Variants in TBX2 observed in about 807,000 individuals in gnomAD.
The protein encoded by TBX2 is T-box transcription factor 2, also known as T-box transcription factor TBX2.
In TBX2, 19 loss-of-function variants were observed where a neutral mutation model predicts 48.4. That is an observed-to-expected ratio of 0.39 (90% CI 0.27 to 0.58). The LOEUF (loss-of-function observed/expected upper bound fraction) is 0.58, where lower values mean the gene tolerates loss of function less well. TBX2 is among the 20% of genes least tolerant of loss of function. The pLI, the probability that TBX2 is intolerant of heterozygous loss-of-function variation, is 0.54. For synonymous variants in TBX2, 522 were observed against 459.7 expected (o/e 1.14, Z -1.73); for missense variants, 994 against 1,006.5 (o/e 0.99, Z 0.17).
chr17:61,404,955 G>C, intron 5 of TBX2, 186 bp downstream of exon 5: 2 of 1,237,032 alleles, frequency 1.6e-6, no homozygotes, highest in South Asian at 1.3e-5. Flanking sequence ...CAGAAGATCC[G>C]GCCGGACTCC....
chr17:61,408,871 G>A lies in TBX2; in HGVS notation c.*365G>A. 1 of 206,140 alleles carries A rather than the reference G, an allele frequency of 4.9e-6. No individual in the cohort carries two copies. The highest frequency in any genetic ancestry group is 9.6e-6 in the Non-Finnish European group (1 of 104,210). 12.8% of individuals were successfully genotyped at this position (206,140 alleles called of 1,614,324 possible). On this transcript the variant is annotated 3_prime_UTR_variant, in exon 7 of 7. Coordinates refer to ENST00000240328, the MANE Select transcript of TBX2 (RefSeq NM_005994.4). ...AGGGGCCAGGGGTGGGAGCATCGGAGGGAGTCCCAGAGCCCTGGACCTTGG... is the reference window on the plus strand; with the variant it reads ...AGGGGCCAGGGGTGGGAGCATCGGAAGGAGTCCCAGAGCCCTGGACCTTGG...
At position 61,408,454 on chromosome 17, in the gene TBX2, G is replaced by T; in HGVS notation, c.2087G>T (p.Ser696Ile). ...CTGCAGAGCATCCAGAGACTGGTGAGTGGGCTGGAGAGCCAGCGAGCCCTC... is the reference window on the plus strand; with the variant it reads ...CTGCAGAGCATCCAGAGACTGGTGATTGGGCTGGAGAGCCAGCGAGCCCTC... ...NELQSIQRLV[S>I]GLESQRALSP... is the part of the protein sequence containing the mutation. Residue 696 changes from serine (S) to isoleucine (I), a missense_variant, in exon 7 of 7, where the codon AGT becomes ATT. Ser to Ile is a moderately radical substitution (Grantham distance 142). Transcript: ENST00000240328. The T allele has an allele frequency of 6.8e-7, 1 of 1,474,760 alleles. No individual in the cohort carries two copies. Among genetic ancestry groups the T allele is most frequent in the Non-Finnish European group, 9.0e-7 (1 of 1,109,992 alleles). The allele number at this position is 1,474,760 out of a possible 1,614,324, so 91.4% of individuals were successfully genotyped here.
chr17:61,404,180 G>A (rs538234010), intron 3 of TBX2, among the ~76,000 whole-genome samples: 1 of 152,172 alleles, frequency 6.6e-6, no homozygotes, highest in South Asian at 2.1e-4. Flanking sequence ...CCTGTGTGGG[G>A]CTGTCTAGGC....
Position 61,405,247 on chromosome 17 carries a change from G to T in TBX2, c.1097G>T (p.Arg366Leu). The change falls in exon 6 of 7, where the codon CGG becomes CTG. Residue 366 changes from arginine to leucine, a missense_variant. By Grantham distance (102) the Arg-to-Leu change is moderately radical. Coordinates refer to ENST00000240328, the MANE Select transcript of TBX2 (RefSeq NM_005994.4). ...GCGGACAGCGACCCGGAGCCTGAGC[G>T]GTTGAGCGAGGAGCGTGCGGGGGCG... ...CAADSDPEPERLSEERAGAPL... is the reference protein window; with the variant it reads ...CAADSDPEPELLSEERAGAPL... 1 of 1,571,310 alleles carries T rather than the reference G, an allele frequency of 6.4e-7. No homozygotes were observed. Among genetic ancestry groups the T allele is most frequent in the Non-Finnish European group, 8.6e-7 (1 of 1,166,882 alleles).
At position 61,406,848 on chromosome 17, in the gene TBX2, C is replaced by T. The variant is rs2060291151; in HGVS notation, c.1686+1012C>T. On this transcript the variant is annotated intron_variant, in intron 6 of 6. Transcript: ENST00000240328. This position sits in a 1 kb window ranked among gnomAD's most constrained non-coding sequence, Gnocchi z 5.7. The stretch of plus-strand genomic sequence containing the variant: ...GTATCACCATCACTCATCTGGGGCT[C>T]TGGGCTGGAAGGGAAGCCTCTGGAG... The T allele has an allele frequency of 1.3e-5, 2 of 152,088 alleles. No individual in the cohort carries two copies. The allele number at this position is 152,088 out of a possible 1,614,324, so 9.4% of individuals were successfully genotyped here. A position where few individuals can be genotyped will look rare whatever the true frequency, so the allele number is the denominator to read the frequency against.
rs1196484099 is a variant in TBX2, at chr17:61,408,254, C to T, written c.1887C>T (p.Thr629=). ...TCAGCCCCTATCAGATCCCGGTCAC[C>T]ATCCCGCCTAGCACTAGCCTCCTCA... is the stretch of plus-strand genomic sequence containing the variant. The part of the protein sequence containing the change: ...LRFSPYQIPV[T]IPPSTSLLTT... Residue 629 remains threonine (T), a synonymous_variant, in exon 7 of 7, where the codon ACC becomes ACT. Transcript: ENST00000240328. 1 of 1,612,870 alleles carries T rather than the reference C, an allele frequency of 6.2e-7. No homozygotes were observed. The highest frequency in any genetic ancestry group is 8.5e-7 in the Non-Finnish European group (1 of 1,179,922).
rs1254227680 is a variant in TBX2 at position 61,406,037 on chromosome 17, G to C, written c.1686+201G>C. 2.0e-6 allele frequency: 1 copy of C among 493,360 alleles called. No individual in the cohort carries two copies. The highest frequency in any genetic ancestry group is 3.2e-6 in the Non-Finnish European group (1 of 316,150). 30.6% of individuals were successfully genotyped at this position (493,360 alleles called of 1,614,324 possible). On this transcript the variant is annotated intron_variant, in intron 6 of 6. Coordinates refer to ENST00000240328, the MANE Select transcript of TBX2 (RefSeq NM_005994.4). The surrounding 1 kb of genome is among the most constrained non-coding windows in gnomAD (Gnocchi z 5.7). ...GGACTGTGTTGTAAGTCCAGGGGCT[G>C]GCCAGGGCGCCGCTTCTGACTCCCG... is the stretch of plus-strand genomic sequence containing the variant.
At chr17:61,402,083 T>G in intron 2 of TBX2, 132 bp downstream of exon 2, 4 of 1,340,744 alleles carry the variant, frequency 3.0e-6, no homozygotes, top group Non-Finnish European at 4.0e-6. Context: ...CCTGCCCGGG[T>G]CACTGCCCTG....
In TBX2 at chr17:61,401,687, G is replaced by T. The variant is rs1169991815; in HGVS notation, c.399G>T (p.Arg133=). The part of the protein sequence containing the change: ...TEMVITKSGR[R]MFPPFKVRVS... ...TCCTCCCTTCCCTCCCTCCCAGGCG[G>T]ATGTTCCCCCCCTTCAAGGTGCGAG... The change falls in exon 2 of 7, where the codon CGG becomes CGT. Residue 133 remains arginine, a synonymous_variant. Transcript: ENST00000240328. The T allele has an allele frequency of 1.2e-6, 2 of 1,611,364 alleles. No individual in the cohort carries two copies. Among genetic ancestry groups the T allele is most frequent in the Admixed American group, 1.7e-5 (1 of 59,974 alleles).
Position 61,403,037 on chromosome 17 carries a change from G to T in TBX2, c.664-24G>T, listed in dbSNP as rs775599798. On this transcript the variant is annotated intron_variant, in intron 2 of 6. Transcript: ENST00000240328. This position sits in a 1 kb window ranked among gnomAD's most constrained non-coding sequence, Gnocchi z 5.8. The stretch of plus-strand genomic sequence containing the variant: ...GCTCGGGCCGGGGCTGGTGGCTGCC[G>T]GCTGACCCCCACCCTCCCCGCAGAC... 1 of 1,592,958 alleles carries T rather than the reference G, an allele frequency of 6.3e-7. No homozygotes were observed. Among genetic ancestry groups the T allele is most frequent in the Admixed American group, 1.8e-5 (1 of 56,466 alleles).
Position 61,401,712 on chromosome 17 carries a change from G to A in TBX2, c.424G>A (p.Val142Ile), listed in dbSNP as rs139125476. ...GATGTTCCCCCCCTTCAAGGTGCGA[G>A]TCAGCGGCCTGGACAAGAAGGCCAA... ...RRMFPPFKVR[V>I]SGLDKKAKYI... is the part of the protein sequence containing the mutation. The change falls in exon 2 of 7, where the codon GTC (valine) becomes ATC (isoleucine). Residue 142 changes from valine to isoleucine, a missense_variant. Coordinates refer to ENST00000240328, the MANE Select transcript of TBX2 (RefSeq NM_005994.4). 2.5e-6 allele frequency: 4 copies of A among 1,612,670 alleles called. No homozygotes were observed. Among genetic ancestry groups the A allele is most frequent in the Non-Finnish European group, 2.5e-6 (3 of 1,179,902 alleles).
In TBX2 at chr17:61,400,494, G is replaced by A. The variant is rs1210583526; in HGVS notation, c.318G>A (p.Lys106=). ...EPEDEVEDDP[K]VTLEAKELWD... ...AGGACGAGGTGGAGGACGACCCCAAGGTGACGCTGGAGGCCAAGGAGCTGT... is the reference window on the plus strand; with the variant it reads ...AGGACGAGGTGGAGGACGACCCCAAAGTGACGCTGGAGGCCAAGGAGCTGT... The change falls in exon 1 of 7, where the codon AAG becomes AAA. Residue 106 remains lysine (K), a synonymous_variant. Transcript: ENST00000240328. The surrounding 1 kb of genome is among the most constrained non-coding windows in gnomAD (Gnocchi z 9.2). 2 of 1,602,038 alleles carry A rather than the reference G, an allele frequency of 1.2e-6. No individual in the cohort carries two copies.
chr17:61,400,302 G>A lies in TBX2; in HGVS notation c.126G>A (p.Ala42=). The change falls in exon 1 of 7, where the codon GCG becomes GCA. Residue 42 remains alanine (A), a synonymous_variant. Transcript: ENST00000240328. The surrounding 1 kb of genome is among the most constrained non-coding windows in gnomAD (Gnocchi z 9.2). ...AGCCCTCCTTCTTCCCGGCACTCGCGCTGCCGCCCGGCGCGCTGGCCAAGC... is the reference window on the plus strand; with the variant it reads ...AGCCCTCCTTCTTCCCGGCACTCGCACTGCCGCCCGGCGCGCTGGCCAAGC... ...AAQPSFFPAL[A]LPPGALAKPL... 2 of 1,103,674 alleles carry A rather than the reference G, an allele frequency of 1.8e-6. No individual in the cohort carries two copies. Among genetic ancestry groups the A allele is most frequent in the Non-Finnish European group, 2.2e-6 (2 of 893,696 alleles). The allele number at this position is 1,103,674 out of a possible 1,614,324, so 68.4% of individuals were successfully genotyped here. A position where few individuals can be genotyped will look rare whatever the true frequency, so the allele number is the denominator to read the frequency against.
At chr17:61,404,366 G>A (rs1436883215) in intron 3 of TBX2, 55 bp from the exon 4 acceptor site, 6 of 1,537,870 alleles carry the variant, frequency 3.9e-6, no homozygotes, top group African/African-American at 2.7e-5. Context: ...GGGTGCCACC[G>A]ACCACGCTGG....
At chr17:61,404,858 C>G in intron 5 of TBX2, 89 bp downstream of exon 5, 1 of 1,504,104 alleles carries the variant, frequency 6.6e-7, no homozygotes, top group South Asian at 1.2e-5. Context: ...CACCCGCTAA[C>G]CTGAAAGGCC....
rs1367906552 is a variant in TBX2 at position 61,401,795 on chromosome 17, C to T, written c.507C>T (p.Asn169=). 4.3e-6 allele frequency: 7 copies of T among 1,613,088 alleles called. No homozygotes were observed. Among genetic ancestry groups the T allele is most frequent in the African/African-American group, 2.7e-5 (2 of 74,936 alleles). Residue 169 remains asparagine (N), a synonymous_variant, in exon 2 of 7, where the codon AAC becomes AAT. Coordinates refer to ENST00000240328, the MANE Select transcript of TBX2 (RefSeq NM_005994.4). ...ACGATTGCCGCTATAAGTTCCACAA[C>T]TCGCGCTGGATGGTGGCGGGCAAGG... ...AADDCRYKFH[N]SRWMVAGKAD...
chr17:61,407,233 T>A (rs887219925), intron 6 of TBX2: 1 of 152,222 alleles, frequency 6.6e-6, no homozygotes, highest in Admixed American at 6.5e-5. Context: ...TTCTCAGGCC[T>A]GATGAAGCTG....
rs982708417 is a variant in TBX2 at position 61,400,765 on chromosome 17, A to T, written c.395+194A>T. Among the ~76,000 whole-genome samples the T allele has an allele frequency of 1.1e-4, 17 of 152,060 alleles. No homozygotes were observed. Among genetic ancestry groups the T allele is most frequent in the African/African-American group, 2.7e-4 (11 of 41,418 alleles). Reference sequence around the variant, plus strand: ...TTTGGCACCGGAGCGATTTTTTTTTAAAACAAAAACGCTAAAATCCTCCGA... The same window carrying T: ...TTTGGCACCGGAGCGATTTTTTTTTTAAACAAAAACGCTAAAATCCTCCGA... On this transcript the variant is annotated intron_variant, in intron 1 of 6. Transcript: ENST00000240328. This position sits in a 1 kb window ranked among gnomAD's most constrained non-coding sequence, Gnocchi z 9.2.
Position 61,406,204 on chromosome 17 carries a change from C to T in TBX2, c.1686+368C>T, listed in dbSNP as rs1321865596. On this transcript the variant is annotated intron_variant, in intron 6 of 6. Coordinates refer to ENST00000240328, the MANE Select transcript of TBX2 (RefSeq NM_005994.4). The surrounding 1 kb of genome is among the most constrained non-coding windows in gnomAD (Gnocchi z 5.7). Reference sequence around the variant, plus strand: ...GGCTTGTGAAGTCTTCTCTCCTGGCCTCAGGACATTTTTCTTGAGAACAAA... The same window carrying T: ...GGCTTGTGAAGTCTTCTCTCCTGGCTTCAGGACATTTTTCTTGAGAACAAA... 4.5e-6 allele frequency: 1 copy of T among 221,674 alleles called. No individual in the cohort carries two copies. The highest frequency in any genetic ancestry group is 8.8e-6 in the Non-Finnish European group (1 of 113,456). The allele number at this position is 221,674 out of a possible 1,614,324, so 13.7% of individuals were successfully genotyped here.
Sources: allele counts gnomAD v4.1 joint callset (sites outside exome capture counted in the v4.1 genomes callset), GRCh38; gene constraint gnomAD v4.1.1; non-coding constraint Gnocchi (gnomAD v3.1); transcripts MANE v1.5; gene names NCBI Gene and HGNC (gene_info 2026-07-23, HGNC 2026-07-21).